Variants in UBXN2A observed in about 807,000 individuals in gnomAD.
The protein encoded by UBXN2A is UBX domain protein 2A.
Under a neutral mutation model 28.4 loss-of-function variants are expected in UBXN2A, and 28 were observed. The observed-to-expected ratio is 0.99, with a 90% CI of 0.73 to 1.35. The LOEUF is 1.35. Among genes scored for constraint, UBXN2A ranks in the 40% most tolerant of loss-of-function variants. The pLI, the probability that UBXN2A is intolerant of heterozygous loss-of-function variation, is 0.00. For synonymous variants in UBXN2A, 97 were observed against 103.6 expected (o/e 0.94, Z 0.39); for missense variants, 253 against 297.9 (o/e 0.85, Z 1.11).
intron 4 of UBXN2A, among the ~76,000 whole-genome samples, chr2:23,980,931 T>A (rs1388379013): frequency 6.6e-6 from 1 of 152,156 alleles, no homozygotes; most frequent in Non-Finnish European, 1.5e-5. Context: ...TCAGCCTGTT[T>A]ATATTTTCAG....
At chr2:23,943,249 C>T (rs1705861903) in intron 1 of UBXN2A, among the ~76,000 whole-genome samples, 1 of 152,142 alleles carries the variant, frequency 6.6e-6, no homozygotes, top group Non-Finnish European at 1.5e-5. Flanking sequence ...GCCACCGTGC[C>T]TGGCCAACTT....
intron 1 of UBXN2A, among the ~76,000 whole-genome samples, chr2:23,957,789 G>A (rs1013131071): frequency 6.6e-6 from 1 of 152,152 alleles, no homozygotes; most frequent in Non-Finnish European, 1.5e-5. Context: ...AGCCGAGATT[G>A]TGCCATTGCA....
chr2:23,970,918 C>G (rs1707385748), intron 2 of UBXN2A, among the ~76,000 whole-genome samples: 1 of 152,090 alleles, frequency 6.6e-6, no homozygotes, highest in Non-Finnish European at 1.5e-5. Context: ...GCGATGGGAG[C>G]AACAGTAAAT....
intron 2 of UBXN2A, among the ~76,000 whole-genome samples, chr2:23,970,516 T>G (rs1298089465): frequency 1.3e-5 from 2 of 152,080 alleles, no homozygotes; most frequent in Non-Finnish European, 2.9e-5. Flanking sequence ...GATCCCCAAC[T>G]TTTTTGGCAC....
intron 1 of UBXN2A, among the ~76,000 whole-genome samples, chr2:23,931,157 A>T (rs896391257): frequency 6.6e-6 from 1 of 151,092 alleles, no homozygotes; most frequent in African/African-American, 2.4e-5. Flanking sequence ...ATCTCAAAAA[A>T]AAAAGGGGGG....
intron 1 of UBXN2A, 99 bp downstream of exon 1, chr2:23,940,747 C>T (rs2150793676): frequency 6.6e-6 from 1 of 151,996 alleles, no homozygotes; most frequent in East Asian, 1.9e-4. Flanking sequence ...GTGGCTTGGC[C>T]GCCGCGGATC....
At chr2:23,975,471 C>T (rs1320805906) in intron 3 of UBXN2A, among the ~76,000 whole-genome samples, 1 of 152,090 alleles carries the variant, frequency 6.6e-6, no homozygotes, top group African/African-American at 2.4e-5. Flanking sequence ...TATGAGACCC[C>T]AGCTGATTTT....
At chr2:23,977,756 T>C (rs1707732191) in intron 4 of UBXN2A, among the ~76,000 whole-genome samples, 1 of 152,224 alleles carries the variant, frequency 6.6e-6, no homozygotes, top group Non-Finnish European at 1.5e-5. Context: ...ACACACTCCC[T>C]ACACATTCAC....
At chr2:23,980,343 C>G (rs1272259270) in intron 4 of UBXN2A, among the ~76,000 whole-genome samples, 1 of 152,170 alleles carries the variant, frequency 6.6e-6, no homozygotes, top group Non-Finnish European at 1.5e-5. Flanking sequence ...CTTATATTAA[C>G]TTTATGAAGA....
chr2:23,943,200 C>A (rs1225803107), intron 1 of UBXN2A, among the ~76,000 whole-genome samples: 1 of 151,914 alleles, frequency 6.6e-6, no homozygotes. Context: ...TCTGATCTGC[C>A]CACTTCAGCC....
chr2:23,969,409 C>G (rs1289631002), intron 2 of UBXN2A, among the ~76,000 whole-genome samples: 1 of 151,960 alleles, frequency 6.6e-6, no homozygotes, highest in Non-Finnish European at 1.5e-5. Context: ...TGTTGCCAGG[C>G]TGGAGTGCAG....
intron 1 of UBXN2A, among the ~76,000 whole-genome samples, chr2:23,932,578 T>C (rs6754694): frequency 0.12 from 18,481 of 152,120 alleles, 1,222 homozygotes; most frequent in Middle Eastern, 0.21. Flanking sequence ...GGAGGGTCCC[T>C]TGAGAATTCA....
intron 1 of UBXN2A, among the ~76,000 whole-genome samples, chr2:23,951,805 C>T (rs916596823): frequency 2.0e-5 from 3 of 151,992 alleles, no homozygotes; most frequent in African/African-American, 7.3e-5. Flanking sequence ...TCTGAATGGT[C>T]AGGGTGGGTG....
chr2:23,960,731 C>T (rs1264658447), intron 2 of UBXN2A, among the ~76,000 whole-genome samples: 1 of 152,112 alleles, frequency 6.6e-6, no homozygotes, highest in Non-Finnish European at 1.5e-5. Flanking sequence ...CTCCCAGGTT[C>T]AAGCAATTCC....
chr2:23,971,369 GA>G lies in UBXN2A; in HGVS notation c.137del (p.Lys46ArgfsTer16). 6.3e-7 allele frequency: 1 copy of G among 1,577,346 alleles called. No individual in the cohort carries two copies. The highest frequency in any genetic ancestry group is 8.7e-7 in the Non-Finnish European group (1 of 1,153,050). ...TTGATAGCCTTTTTGAGGAAGCTCAGAAGGTTAGTTCCAAATGTGTGTCTCC... is the reference window on the plus strand; with the variant it reads ...TTGATAGCCTTTTTGAGGAAGCTCAGAGGTTAGTTCCAAATGTGTGTCTCC... ...FVDSLFEEAQ[K>X]VSSKCVSPAE... is the part of the protein sequence containing the mutation. On this transcript the variant is annotated frameshift_variant, in exon 3 of 7. Coordinates refer to ENST00000309033, the MANE Select transcript of UBXN2A (RefSeq NM_181713.4). LOFTEE classifies it high-confidence loss of function.
chr2:23,990,532 C>T (rs1216861684), intron 6 of UBXN2A, among the ~76,000 whole-genome samples: 45 of 27,878 alleles, frequency 1.6e-3, no homozygotes, highest in East Asian at 9.1e-4. Flanking sequence ...TTTGGGAGGC[C>T]GGGGGGGCGG....
intron 6 of UBXN2A, among the ~76,000 whole-genome samples, chr2:23,995,830 C>G (rs1708510264): frequency 6.6e-6 from 1 of 151,994 alleles, no homozygotes; most frequent in African/African-American, 2.4e-5. Context: ...TTTTTAGGAG[C>G]ACTACTTCAA....
intron 2 of UBXN2A, among the ~76,000 whole-genome samples, chr2:23,959,628 A>G (rs895551437): frequency 6.6e-6 from 1 of 152,224 alleles, no homozygotes; most frequent in Non-Finnish European, 1.5e-5. Context: ...ATAATTTATT[A>G]CAGTGAAGGG....
intron 1 of UBXN2A, among the ~76,000 whole-genome samples, chr2:23,933,734 A>AT (rs1050605545): frequency 2.0e-5 from 3 of 151,964 alleles, no homozygotes; most frequent in Non-Finnish European, 4.4e-5. Context: ...AAGAAAAAAA[A>AT]CAAAAACAGA....
Sources: gnomAD v4.1 joint callset for allele counts (sites outside exome capture counted in the v4.1 genomes callset) on GRCh38, gnomAD v4.1.1 for gene constraint, MANE v1.5 for transcripts, NCBI Gene and HGNC (gene_info 2026-07-23, HGNC 2026-07-21) for gene names.